CLMN: variants seen among roughly 807,000 people sequenced by gnomAD.
CLMN encodes the protein calmin (calponin-like, transmembrane).
Under a neutral mutation model 92.7 loss-of-function variants are expected in CLMN, and 57 were observed. That is an observed-to-expected ratio of 0.61 (90% CI 0.50 to 0.77). The LOEUF (loss-of-function observed/expected upper bound fraction) is 0.77, where lower values mean the gene tolerates loss of function less well. CLMN is among the 30% of genes least tolerant of loss of function. The probability of loss-of-function intolerance (pLI) is 0.00; values close to 1 mark genes in which losing one functional copy is unlikely to be tolerated. For missense variants in CLMN, 1,158 were observed against 1,237.5 expected, an observed-to-expected ratio of 0.94 and a Z score of 0.96; for synonymous variants, 466 against 470.6, an observed-to-expected ratio of 0.99 and a Z score of 0.13.
At chr14:95,276,207 C>T (rs181980479) in intron 1 of CLMN, among the ~76,000 whole-genome samples, 31 of 152,180 alleles carry the variant, frequency 2.0e-4, no homozygotes, top group Admixed American at 1.5e-3. Context: ...GGGGAAAGGG[C>T]GGAATTGAGT....
At chr14:95,222,355 T>G in intron 3 of CLMN, 1 of 261,174 alleles carries the variant, frequency 3.8e-6, no homozygotes, top group Non-Finnish European at 7.7e-6. Context: ...GCTAAAACTC[T>G]GACAAGGTTA....
chr14:95,232,423 G>A (rs1897919462), intron 1 of CLMN, among the ~76,000 whole-genome samples: 1 of 152,180 alleles, frequency 6.6e-6, no homozygotes, highest in South Asian at 2.1e-4. Context: ...TGTAACAACG[G>A]GACTTTTTTC....
chr14:95,302,574 T>C (rs1244271002), intron 1 of CLMN, among the ~76,000 whole-genome samples: 2 of 152,218 alleles, frequency 1.3e-5, no homozygotes, highest in African/African-American at 2.4e-5. Flanking sequence ...CGATTAATGG[T>C]ATTAATGAGA....
chr14:95,206,449 T>C (rs915920608), intron 8 of CLMN, among the ~76,000 whole-genome samples: 1 of 152,202 alleles, frequency 6.6e-6, no homozygotes, highest in Non-Finnish European at 1.5e-5. Context: ...ATTCTTTAAC[T>C]GTATAAGACC....
At chr14:95,221,599 A>G in intron 4 of CLMN, 92 bp downstream of exon 4, 1 of 1,113,758 alleles carries the variant, frequency 9.0e-7, no homozygotes, top group South Asian at 1.4e-5. Context: ...TCCCCGTCTC[A>G]CGCTTCTCTT....
At chr14:95,283,517 A>G (rs2352991) in intron 1 of CLMN, among the ~76,000 whole-genome samples, 99,334 of 152,070 alleles carry the variant, frequency 0.65, 33,528 homozygotes, top group Middle Eastern at 0.79. Flanking sequence ...AAAGAAGACA[A>G]GACAATGTAG....
intron 3 of CLMN, among the ~76,000 whole-genome samples, 181 bp downstream of exon 3, chr14:95,223,579 T>TA (rs574294371): frequency 1.3e-4 from 20 of 149,442 alleles, no homozygotes; most frequent in South Asian, 2.1e-4. Flanking sequence ...TACATTGGCT[T>TA]AAAAAAAAAA....
intron 8 of CLMN, among the ~76,000 whole-genome samples, chr14:95,206,325 T>C (rs1897046158): frequency 6.6e-6 from 1 of 152,202 alleles, no homozygotes; most frequent in Non-Finnish European, 1.5e-5. Context: ...GGAGATTTTT[T>C]TTTCAACATT....
At chr14:95,282,779 T>A (rs1321056808) in intron 1 of CLMN, among the ~76,000 whole-genome samples, 1 of 152,234 alleles carries the variant, frequency 6.6e-6, no homozygotes, top group Non-Finnish European at 1.5e-5. Context: ...GGGAAAGCAG[T>A]GGAGAGTTCT....
Position 95,189,214 on chromosome 14 carries a change from G to A in CLMN, c.*2350C>T, listed in dbSNP as rs1896506369. ...CCTCCTCTACTGTGACAGCAAGCCA[G>A]TAGATGTTTCTAAATTAAAAAATAA... On this transcript the variant is annotated 3_prime_UTR_variant, in exon 13 of 13. Transcript: ENST00000298912. 6.6e-6 allele frequency: 1 copy of A among 152,226 alleles called. No individual in the cohort carries two copies. 9.4% of individuals were successfully genotyped at this position (152,226 alleles called of 1,614,324 possible).
intron 1 of CLMN, among the ~76,000 whole-genome samples, chr14:95,312,150 C>A (rs1411154199): frequency 6.6e-6 from 1 of 152,142 alleles, no homozygotes; most frequent in Non-Finnish European, 1.5e-5. Context: ...CCTCCCCACC[C>A]TACACTCCTG....
chr14:95,203,546 A>G lies in CLMN; in HGVS notation c.1803T>C (p.His601=), dbSNP rs148024011. The change falls in exon 9 of 13, where the codon CAT becomes CAC. Residue 601 remains histidine, a synonymous_variant. Transcript: ENST00000298912. ...TACTCCTTTTACCTAGTTTTTCAGC[A>G]TGATTCTCAAAAGCCTCAGCATCCT... ...PDEDAEAFEN[H]AEKLGKRSIK... 5.5e-4 allele frequency: 894 copies of G among 1,614,164 alleles called. No homozygotes were observed. Among genetic ancestry groups the G allele is most frequent in the Non-Finnish European group, 6.9e-4 (810 of 1,180,026 alleles).
intron 1 of CLMN, among the ~76,000 whole-genome samples, chr14:95,274,599 G>A (rs547326730): frequency 2.0e-4 from 31 of 152,292 alleles, no homozygotes; most frequent in African/African-American, 4.3e-4. Flanking sequence ...ACGCTGCCTC[G>A]TAAGAACATC....
In CLMN at chr14:95,189,776, C is replaced by A. The variant is rs1276946316; in HGVS notation, c.*1788G>T. 1 of 152,186 alleles carries A rather than the reference C, an allele frequency of 6.6e-6. No homozygotes were observed. The highest frequency in any genetic ancestry group is 1.5e-5 in the Non-Finnish European group (1 of 68,038). The allele number at this position is 152,186 out of a possible 1,614,324, so 9.4% of individuals were successfully genotyped here. ...GGGAGCTCATTAATTAGCTCATTTTCCATGGGGCTCTTGGCCTTCCAGATG... is the reference window on the plus strand; with the variant it reads ...GGGAGCTCATTAATTAGCTCATTTTACATGGGGCTCTTGGCCTTCCAGATG... On this transcript the variant is annotated 3_prime_UTR_variant, in exon 13 of 13. Coordinates refer to ENST00000298912, the MANE Select transcript of CLMN (RefSeq NM_024734.4).
At chr14:95,265,664 T>A (rs564848807) in intron 1 of CLMN, among the ~76,000 whole-genome samples, 2 of 152,318 alleles carry the variant, frequency 1.3e-5, no homozygotes, top group Admixed American at 6.5e-5. Context: ...ATTTCTCACT[T>A]TCACTTCCTG....
Position 95,283,285 on chromosome 14 carries a change from C to T in CLMN, c.82+36426G>A, listed in dbSNP as rs138144692. 2.4e-4 allele frequency among the ~76,000 whole-genome samples: 36 copies of T among 152,316 alleles called. No homozygotes were observed. The East Asian group carries it at 5.8e-3, about 24-fold the overall frequency. On this transcript the variant is annotated intron_variant, in intron 1 of 12. Transcript: ENST00000298912. Reference sequence around the variant, plus strand: ...CATGTAAGAAATGCCTTTCACCTTCCGCCACGATGCTGAGGCCTCCCCAGC... The same window carrying T: ...CATGTAAGAAATGCCTTTCACCTTCTGCCACGATGCTGAGGCCTCCCCAGC...
At chr14:95,287,524 T>C (rs1371581941) in intron 1 of CLMN, among the ~76,000 whole-genome samples, 1 of 152,138 alleles carries the variant, frequency 6.6e-6, no homozygotes, top group East Asian at 1.9e-4. Flanking sequence ...TGCAGTGCCA[T>C]GGTTGTTAAA....
chr14:95,184,928 G>C lies in CLMN; in HGVS notation c.*6636C>G, dbSNP rs1205789744. 6.6e-6 allele frequency: 1 copy of C among 152,326 alleles called. No homozygotes were observed. The highest frequency in any genetic ancestry group is 1.9e-4 in the East Asian group (1 of 5,200). 9.4% of individuals were successfully genotyped at this position (152,326 alleles called of 1,614,324 possible). A position where few individuals can be genotyped will look rare whatever the true frequency, so the allele number is the denominator to read the frequency against. On this transcript the variant is annotated 3_prime_UTR_variant, in exon 13 of 13. Coordinates refer to ENST00000298912, the MANE Select transcript of CLMN (RefSeq NM_024734.4). The stretch of plus-strand genomic sequence containing the variant: ...GTTCGAGACCAGCCTGAGCAACAGT[G>C]AGACCTGTATCTATAAAAGATAAAA...
chr14:95,278,817 G>T (rs1566910526), intron 1 of CLMN, among the ~76,000 whole-genome samples: 1 of 152,030 alleles, frequency 6.6e-6, no homozygotes, highest in Non-Finnish European at 1.5e-5. Context: ...TAACAAACAG[G>T]ACTCCTATGG....
Sources: gnomAD v4.1 joint callset for allele counts (sites outside exome capture counted in the v4.1 genomes callset) on GRCh38, gnomAD v4.1.1 for gene constraint, MANE v1.5 for transcripts, NCBI Gene and HGNC (gene_info 2026-07-23, HGNC 2026-07-21) for gene names.